The following ZFP64 variants were observed in gnomAD, a reference collection of about 807,000 sequenced individuals.
The protein encoded by ZFP64 is ZFP64 zinc finger protein.
Under a neutral mutation model 51.6 loss-of-function variants are expected in ZFP64, and 14 were observed. The ratio of observed to expected loss-of-function variants is 0.27; its 90% CI spans 0.18 to 0.42. The LOEUF is 0.42. ZFP64 is among the 10% of genes least tolerant of loss of function. The probability of loss-of-function intolerance (pLI) is 1.00; values close to 1 mark genes in which losing one functional copy is unlikely to be tolerated. For synonymous variants in ZFP64, 375 were observed against 361.4 expected (o/e 1.04, Z -0.43); for missense variants, 754 against 906.8 (o/e 0.83, Z 2.16).
chr20:52,105,278 C>G (rs1055919840), intron 5 of ZFP64: 8 of 1,285,888 alleles, frequency 6.2e-6, no homozygotes, highest in Non-Finnish European at 7.9e-6. Context: ...TAGGAGTGGC[C>G]TACTTCACAC....
intron 7 of ZFP64, chr20:52,088,695 C>A: frequency 6.2e-7 from 1 of 1,610,428 alleles, no homozygotes; most frequent in South Asian, 1.1e-5. Context: ...AAGATGGCTA[C>A]AAAGATTTGA....
chr20:52,151,626 A>G lies in ZFP64; in HGVS notation c.*520T>C. On this transcript the variant is annotated 3_prime_UTR_variant, in exon 6 of 6. Transcript: ENST00000216923. Reference sequence around the variant, plus strand: ...TCATCTTGGTAACATTTAAGATTCTACAACAGTTATAATGCGACGATTCAG... The same window carrying G: ...TCATCTTGGTAACATTTAAGATTCTGCAACAGTTATAATGCGACGATTCAG... 1 of 987,928 alleles carries G rather than the reference A, an allele frequency of 1.0e-6. No individual in the cohort carries two copies. The highest frequency in any genetic ancestry group is 1.1e-4 in the East Asian group (1 of 8,868). The allele number at this position is 987,928 out of a possible 1,614,324, so 61.2% of individuals were successfully genotyped here. A position where few individuals can be genotyped will look rare whatever the true frequency, so the allele number is the denominator to read the frequency against.
chr20:52,138,404 C>T (rs569331379), intron 5 of ZFP64, among the ~76,000 whole-genome samples: 1 of 151,378 alleles, frequency 6.6e-6, no homozygotes, highest in East Asian at 1.9e-4. Flanking sequence ...TTGAATTGTC[C>T]TATCAAAGAC....
rs575442535 is a variant in ZFP64, at chr20:52,152,684, T to A, written c.1508A>T (p.His503Leu). 6.5e-7 allele frequency: 1 copy of A among 1,546,422 alleles called. No individual in the cohort carries two copies. The highest frequency in any genetic ancestry group is 2.3e-5 in the East Asian group (1 of 44,314). Residue 503 changes from histidine (H) to leucine (L), a missense_variant, in exon 6 of 6, where the codon CAT becomes CTT. This residue lies in a region of ZFP64 where 428 missense variants were observed against 472.4 expected (regional missense o/e 0.91). Coordinates refer to ENST00000216923, the MANE Select transcript of ZFP64 (RefSeq NM_018197.3). ...GATGGTGTTCGCCTGGGGCACCTGA[T>A]GCCCAACGATGATTTTGACTCTTCC... is the stretch of plus-strand genomic sequence containing the variant. ...SEGRVKIIVGHQVPQANTIVQ... is the reference protein window; with the variant it reads ...SEGRVKIIVGLQVPQANTIVQ...
At chr20:52,189,603 G>A (rs558838255) in intron 1 of ZFP64, among the ~76,000 whole-genome samples, 1 of 151,644 alleles carries the variant, frequency 6.6e-6, no homozygotes, top group South Asian at 2.1e-4. Context: ...AGCCTCCGGA[G>A]TATCTGGGAT....
intron 2 of ZFP64, among the ~76,000 whole-genome samples, chr20:52,184,437 C>T (rs1045511148): frequency 6.6e-6 from 1 of 152,198 alleles, no homozygotes; most frequent in East Asian, 1.9e-4. Context: ...CTCTCATTTA[C>T]ATTACCGCCC....
intron 5 of ZFP64, chr20:52,110,883 G>A: frequency 6.2e-7 from 1 of 1,609,918 alleles, no homozygotes; most frequent in Non-Finnish European, 8.5e-7. Context: ...AGAGATCATC[G>A]CTGGAAGCCG....
In ZFP64 at chr20:52,185,656, A is replaced by G. The variant is rs73618761; in HGVS notation, c.286+1176T>C. Among the ~76,000 whole-genome samples the G allele has an allele frequency of 5.3e-3, 797 of 148,982 alleles. 6 individuals carry two copies. The highest frequency in any genetic ancestry group is 0.018 in the African/African-American group (742 of 40,396). ...AGTGCGATGGCACGATCTCGGCTCA[A>G]TGCAACCTCTGCCTCCTGGGTTCAA... On this transcript the variant is annotated intron_variant, in intron 2 of 5. Coordinates refer to ENST00000216923, the MANE Select transcript of ZFP64 (RefSeq NM_018197.3).
At chr20:52,168,000 T>C (rs957089670) in intron 2 of ZFP64, among the ~76,000 whole-genome samples, 1 of 152,324 alleles carries the variant, frequency 6.6e-6, no homozygotes, top group South Asian at 2.1e-4. Context: ...TTAAACACAT[T>C]ATGACAACTC....
chr20:52,086,902 C>T (rs1235985296), intron 8 of ZFP64, among the ~76,000 whole-genome samples: 1 of 152,190 alleles, frequency 6.6e-6, no homozygotes. Flanking sequence ...TTCAGGTATT[C>T]ACATATCAAA....
chr20:52,084,283 G>A (rs995192066), exon 9 of ZFP64: 1 of 473,374 alleles, frequency 2.1e-6, no homozygotes, highest in Non-Finnish European at 3.8e-6. Flanking sequence ...ATTGGATAGA[G>A]CAGGGCTTGG....
intron 5 of ZFP64, chr20:52,110,876 G>A: frequency 6.2e-7 from 1 of 1,610,060 alleles, no homozygotes; most frequent in Non-Finnish European, 8.5e-7. Flanking sequence ...GCCACCAAGA[G>A]ATCATCGCTG....
At chr20:52,122,529 C>T (rs1178407297) in intron 5 of ZFP64, among the ~76,000 whole-genome samples, 1 of 148,686 alleles carries the variant, frequency 6.7e-6, no homozygotes, top group African/African-American at 2.5e-5. Context: ...AAAAGAAATA[C>T]ATTTTATAAG....
In ZFP64 at chr20:52,191,578, G is replaced by A. The variant is rs956041938; in HGVS notation, c.46+13C>T. 1.3e-6 allele frequency: 2 copies of A among 1,575,530 alleles called. No homozygotes were observed. The highest frequency in any genetic ancestry group is 1.7e-6 in the Non-Finnish European group (2 of 1,164,904). On this transcript the variant is annotated intron_variant, in intron 1 of 5. Transcript: ENST00000216923. The surrounding 1 kb of genome is among the most constrained non-coding windows in gnomAD (Gnocchi z 4.3). ...GGCCCCGGAGCGCGCACTGCTCCCG[G>A]AAAAGCACTTACTTTGCACCGAGCC...
At chr20:52,183,056 G>A (rs1484560960) in intron 2 of ZFP64, among the ~76,000 whole-genome samples, 1 of 152,144 alleles carries the variant, frequency 6.6e-6, no homozygotes, top group Non-Finnish European at 1.5e-5. Context: ...CAGGCAGAAG[G>A]AACAATGCAG....
intron 8 of ZFP64, chr20:52,088,253 C>T: frequency 7.3e-7 from 1 of 1,365,386 alleles, no homozygotes; most frequent in South Asian, 1.4e-5. Flanking sequence ...AATGACAAAT[C>T]TCACAATTAT....
At chr20:52,109,152 GA>G (rs1978413313) in intron 5 of ZFP64, among the ~76,000 whole-genome samples, 2 of 151,412 alleles carry the variant, frequency 1.3e-5, no homozygotes, top group African/African-American at 4.9e-5. Context: ...TTTTTTAGAA[GA>G]TTTTTTTTTT....
intron 5 of ZFP64, among the ~76,000 whole-genome samples, chr20:52,113,170 T>C (rs970011132): frequency 8.6e-5 from 13 of 151,752 alleles, no homozygotes; most frequent in African/African-American, 3.1e-4. Flanking sequence ...CCATCTCTAC[T>C]AAAAATACAA....
chr20:52,186,737 G>A, intron 2 of ZFP64, 95 bp downstream of exon 2: 1 of 1,489,662 alleles, frequency 6.7e-7, no homozygotes, highest in Non-Finnish European at 9.0e-7. Context: ...CCTAGGGGGT[G>A]GGCTCTGGGA....
Sources: allele counts gnomAD v4.1 joint callset (sites outside exome capture counted in the v4.1 genomes callset), GRCh38; gene constraint gnomAD v4.1.1; regional missense constraint gnomAD v4.1.1; non-coding constraint Gnocchi (gnomAD v3.1); transcripts MANE v1.5; gene names NCBI Gene and HGNC (gene_info 2026-07-23, HGNC 2026-07-21).